Variants in CELF1 observed in about 807,000 individuals in gnomAD.
CELF1 encodes the protein 50 kDa nuclear polyadenylated RNA-binding protein.
A neutral mutation model predicts 61.8 loss-of-function variants in CELF1; 10 were observed. The observed-to-expected ratio is 0.16, with a 90% CI of 0.10 to 0.27. CELF1 has a LOEUF of 0.27. Ranked by LOEUF, CELF1 falls within the 10% of genes least tolerant of loss-of-function variation. The pLI, the probability that CELF1 is intolerant of heterozygous loss-of-function variation, is 1.00. For missense variants in CELF1, 380 were observed against 639.1 expected (o/e 0.59, Z 4.37); for synonymous variants, 236 against 225.1 (o/e 1.05, Z -0.43).
chr11:47,531,711 T>C (rs1296185432), intron 1 of CELF1, among the ~76,000 whole-genome samples: 5 of 152,250 alleles, frequency 3.3e-5, no homozygotes, highest in Non-Finnish European at 7.3e-5. Flanking sequence ...ATTTGCCTAC[T>C]TGGCTTCTGA....
In CELF1 at chr11:47,483,489, C is replaced by G. The variant is rs1402355290; in HGVS notation, c.570G>C (p.Thr190=). ...VTFTTRAMAQ[T]AIKAMHQAQT... ...GTGCTTGGTGCATTGCCTTGATAGC[C>G]GTCTGTGCCATGGCTCTTGTTGTAA... The change falls in exon 8 of 15, where the codon ACG becomes ACC. Residue 190 remains threonine, a synonymous_variant. Transcript: ENST00000687097. 1.2e-6 allele frequency: 2 copies of G among 1,614,020 alleles called. No homozygotes were observed. Among genetic ancestry groups the G allele is most frequent in the Non-Finnish European group, 1.7e-6 (2 of 1,179,950 alleles).
intron 2 of CELF1, among the ~76,000 whole-genome samples, chr11:47,558,728 TTA>T (rs1221177267): frequency 1.0e-5 from 1 of 96,516 alleles, no homozygotes; most frequent in Non-Finnish European, 1.9e-5. Context: ...ATGACATATA[TTA>T]TATATAATTG....
intron 1 of CELF1, among the ~76,000 whole-genome samples, chr11:47,513,363 A>T (rs1025962649): frequency 5.3e-5 from 8 of 152,268 alleles, no homozygotes; most frequent in Admixed American, 4.6e-4. Flanking sequence ...GTTTCTATGA[A>T]CTTTCCTGAA....
intron 1 of CELF1, among the ~76,000 whole-genome samples, chr11:47,531,624 T>C (rs1332721620): frequency 6.6e-6 from 1 of 152,096 alleles, no homozygotes; most frequent in Non-Finnish European, 1.5e-5. Flanking sequence ...AACCCCAAGC[T>C]CACTTTTGTA....
intron 1 of CELF1, among the ~76,000 whole-genome samples, chr11:47,507,376 G>A (rs888651277): frequency 2.0e-5 from 3 of 151,840 alleles, no homozygotes; most frequent in African/African-American, 4.8e-5. Flanking sequence ...CATAGGTGCC[G>A]GGCATGAAAC....
At chr11:47,557,524 C>CTTTTTTTTTTTTTT (rs1299819327), upstream of CELF1, 6 of 3,026 alleles carry the variant, frequency 2.0e-3, no homozygotes, top group African/African-American at 8.0e-3. Context: ...GCCTATTTTT[C>CTTTTTTTTTTTTTT]TTTTTTTTTT....
intron 1 of CELF1, among the ~76,000 whole-genome samples, chr11:47,541,722 G>A (rs1396515022): frequency 1.4e-4 from 1 of 7,378 alleles, no homozygotes; most frequent in Non-Finnish European, 3.8e-4. Flanking sequence ...AAGAAAGAAA[G>A]AAAGAACGAA....
In CELF1 at chr11:47,512,180, T is replaced by C. The variant is rs904121731; in HGVS notation, c.-153-11248A>G. Among the ~76,000 whole-genome samples the C allele has an allele frequency of 9.9e-5, 15 of 151,122 alleles. 1 individual carries two copies. The highest frequency in any genetic ancestry group is 2.9e-4 in the African/African-American group (12 of 41,048). ...TGTTTTGTTTTGTTTTGAGATGGAGTCCCGCTCTGTTTCCCAGGCTGGAGT... is the reference window on the plus strand; with the variant it reads ...TGTTTTGTTTTGTTTTGAGATGGAGCCCCGCTCTGTTTCCCAGGCTGGAGT... On this transcript the variant is annotated intron_variant, in intron 1 of 14. Transcript: ENST00000687097.
upstream of CELF1, among the ~76,000 whole-genome samples, chr11:47,555,978 C>T (rs868440892): frequency 6.7e-5 from 9 of 135,112 alleles, no homozygotes; most frequent in East Asian, 4.2e-4. Context: ...CCAGCCTGGG[C>T]GACACAGCAA....
Position 47,545,692 on chromosome 11 carries a change from C to T in CELF1, c.-154+7300G>A, listed in dbSNP as rs184618143. On this transcript the variant is annotated intron_variant, in intron 1 of 14. Transcript: ENST00000687097. The stretch of plus-strand genomic sequence containing the variant: ...GTTTTACAAAATTTGTAGGAAAATA[C>T]AATAATTTTTGTATTTTTTGTAGAG... Among the ~76,000 whole-genome samples the T allele has an allele frequency of 1.2e-4, 18 of 151,832 alleles. No homozygotes were observed. The East Asian group carries it at 2.5e-3, about 21-fold the overall frequency.
chr11:47,546,952 A>G (rs2096967912), intron 1 of CELF1, among the ~76,000 whole-genome samples: 1 of 150,218 alleles, frequency 6.7e-6, no homozygotes, highest in South Asian at 2.1e-4. Flanking sequence ...CTGTAATCCC[A>G]GCTATTTGGG....
chr11:47,541,570 A>C (rs1423001172), intron 1 of CELF1, among the ~76,000 whole-genome samples: 1 of 151,596 alleles, frequency 6.6e-6, no homozygotes, highest in African/African-American at 2.4e-5. Context: ...CATGCCTATA[A>C]TCCCAGCAAC....
chr11:47,557,179 C>A (rs1222997813), upstream of CELF1, among the ~76,000 whole-genome samples: 1 of 151,826 alleles, frequency 6.6e-6, no homozygotes, highest in Non-Finnish European at 1.5e-5. Context: ...GGAGCCACCA[C>A]GCCCGGCCTA....
rs199957929 is a variant in CELF1, at chr11:47,482,657, C to T, written c.768+38G>A. ...CAGCAGAAGAAGGAACAGCTGGGAG[C>T]TTGCACAGTCTGCAGAAAGCAAACC... On this transcript the variant is annotated intron_variant, in intron 9 of 14. Coordinates refer to ENST00000687097, the MANE Select transcript of CELF1 (RefSeq NM_001376376.1). 9.3e-5 allele frequency: 148 copies of T among 1,593,570 alleles called. 2 individuals carry two copies. In the East Asian group the frequency reaches 2.7e-3, roughly 29 times the overall value.
At chr11:47,529,204 G>C (rs1171366921) in intron 1 of CELF1, among the ~76,000 whole-genome samples, 2 of 151,570 alleles carry the variant, frequency 1.3e-5, no homozygotes, top group African/African-American at 4.8e-5. Context: ...CAGCCTCCCG[G>C]GTAGCTGGCA....
chr11:47,534,415 T>G (rs1365197956), intron 1 of CELF1, among the ~76,000 whole-genome samples: 1 of 151,316 alleles, frequency 6.6e-6, no homozygotes, highest in African/African-American at 2.4e-5. Flanking sequence ...GTTAGAAATA[T>G]ATCAGACACA....
At chr11:47,516,353 C>A (rs1035439631) in intron 1 of CELF1, among the ~76,000 whole-genome samples, 1 of 152,160 alleles carries the variant, frequency 6.6e-6, no homozygotes, top group Non-Finnish European at 1.5e-5. Context: ...GCTAGTATCA[C>A]CAAATTCCCC....
At chr11:47,480,081 C>T (rs555431654) in intron 9 of CELF1, among the ~76,000 whole-genome samples, 4 of 150,978 alleles carry the variant, frequency 2.6e-5, no homozygotes, top group East Asian at 3.9e-4. Flanking sequence ...CTAGCACCCA[C>T]GTCTACACTT....
At position 47,494,264 on chromosome 11, in the gene CELF1, G is replaced by C. The variant is rs2092587418; in HGVS notation, c.71+5189C>G. On this transcript the variant is annotated intron_variant, in intron 3 of 14. Transcript: ENST00000687097. Reference sequence around the variant, plus strand: ...AAAGTGGCAAGTGTTTTAGGGGAAAGGGATGAAACCTACCCCCTCTCTTTT... The same window carrying C: ...AAAGTGGCAAGTGTTTTAGGGGAAACGGATGAAACCTACCCCCTCTCTTTT... 4.1e-5 allele frequency: 17 copies of C among 418,498 alleles called. 1 individual carries two copies. The South Asian group carries it at 1.3e-3, about 32-fold the overall frequency. 25.9% of individuals were successfully genotyped at this position (418,498 alleles called of 1,614,324 possible). A position where few individuals can be genotyped will look rare whatever the true frequency, so the allele number is the denominator to read the frequency against.
Sources: allele counts gnomAD v4.1 joint callset (sites outside exome capture counted in the v4.1 genomes callset), GRCh38; gene constraint gnomAD v4.1.1; transcripts MANE v1.5; gene names NCBI Gene and HGNC (gene_info 2026-07-23, HGNC 2026-07-21).